SIMC1: variants seen among roughly 807,000 people sequenced by gnomAD.
The protein encoded by SIMC1 is SUMO-interacting motif-containing protein 1.
SIMC1 carries 55 observed loss-of-function variants against 82.3 expected under a neutral mutation model. That is an observed-to-expected ratio of 0.67 (90% CI 0.54 to 0.84). The LOEUF is 0.84. Among genes scored for constraint, SIMC1 ranks in the 40% least tolerant of loss-of-function variants. The pLI is 0.00. For missense variants in SIMC1, 915 were observed against 1,107.2 expected, an observed-to-expected ratio of 0.83 and a Z score of 2.46; for synonymous variants, 353 against 426.3, an observed-to-expected ratio of 0.83 and a Z score of 2.12.
rs1766421589 is a variant in SIMC1 at position 176,345,489 on chromosome 5, C to CTT, written c.*45_*46insTT. 6.4e-7 allele frequency: 1 copy of CTT among 1,565,354 alleles called. No individual in the cohort carries two copies. The highest frequency in any genetic ancestry group is 1.4e-5 in the African/African-American group (1 of 72,996). ...ATGCCAAGAATACCTCCTGAACTCT[C>CTT]TCTCCAACTGCTCAGAAGCTCTAAA... On this transcript the variant is annotated 3_prime_UTR_variant, in exon 10 of 10. Coordinates refer to ENST00000429602, the MANE Select transcript of SIMC1 (RefSeq NM_001308195.2).
At position 176,266,549 on chromosome 5, in the gene SIMC1, T is replaced by A. The variant is rs1323454063; in HGVS notation, c.130-23105T>A. 2.1e-5 allele frequency among the ~76,000 whole-genome samples: 3 copies of A among 141,658 alleles called. No individual in the cohort carries two copies. The East Asian group carries it at 6.4e-4, about 30-fold the overall frequency. 92.9% of individuals were successfully genotyped at this position (141,658 alleles called of 152,430 possible). On this transcript the variant is annotated intron_variant, in intron 1 of 9. Coordinates refer to ENST00000429602, the MANE Select transcript of SIMC1 (RefSeq NM_001308195.2). ...GTTCGAATCTAGGCAGGTTAAGTAT[T>A]AATATCTACTAGAACAACAAAAACC...
chr5:176,317,418 A>AT (rs1227463830), intron 5 of SIMC1, among the ~76,000 whole-genome samples: 2 of 151,982 alleles, frequency 1.3e-5, no homozygotes, highest in Non-Finnish European at 2.9e-5. Context: ...TCTTTAATTG[A>AT]TTTTTTAAAT....
At chr5:176,337,015 T>A in intron 8 of SIMC1, 47 bp from the exon 9 acceptor site, 2 of 1,606,138 alleles carry the variant, frequency 1.2e-6, no homozygotes, top group Non-Finnish European at 1.7e-6. Context: ...ACAAAAATTT[T>A]AACTGGGGAA....
intron 1 of SIMC1, among the ~76,000 whole-genome samples, chr5:176,258,579 G>GT (rs1761920642): frequency 6.6e-6 from 1 of 151,154 alleles, no homozygotes; most frequent in Non-Finnish European, 1.5e-5. Context: ...TACAAAAATT[G>GT]TTTTTTAAAA....
At chr5:176,303,407 A>G (rs1379247280) in intron 4 of SIMC1, among the ~76,000 whole-genome samples, 1 of 149,322 alleles carries the variant, frequency 6.7e-6, no homozygotes, top group Non-Finnish European at 1.5e-5. Context: ...AGCTCACTAC[A>G]ACCTCCGCCT....
chr5:176,330,839 C>CT (rs892655518), intron 7 of SIMC1, among the ~76,000 whole-genome samples: 3 of 152,074 alleles, frequency 2.0e-5, no homozygotes, highest in Non-Finnish European at 4.4e-5. Context: ...TGCATGGTCT[C>CT]TAAGTATGTT....
intron 1 of SIMC1, among the ~76,000 whole-genome samples, chr5:176,275,006 T>A (rs1438412498): frequency 1.3e-5 from 2 of 151,854 alleles, no homozygotes; most frequent in Non-Finnish European, 2.9e-5. Flanking sequence ...TTTCCAATTC[T>A]GTGAAGAAAG....
intron 1 of SIMC1, among the ~76,000 whole-genome samples, chr5:176,266,608 C>T (rs1487020177): frequency 1.7e-5 from 2 of 119,608 alleles, no homozygotes; most frequent in African/African-American, 7.1e-5. Context: ...CAGTTAAACC[C>T]AGTGTCTAGG....
chr5:176,286,312 G>A (rs537184627), intron 1 of SIMC1, among the ~76,000 whole-genome samples: 1 of 152,352 alleles, frequency 6.6e-6, no homozygotes, highest in South Asian at 2.1e-4. Context: ...GAACAGAACA[G>A]AGCCCTCAGA....
At chr5:176,250,434 T>G (rs950962621) in intron 1 of SIMC1, among the ~76,000 whole-genome samples, 1 of 152,216 alleles carries the variant, frequency 6.6e-6, no homozygotes, top group East Asian at 1.9e-4. Flanking sequence ...GAATGTATAT[T>G]CTGTTGATTT....
rs760605480 is a variant in SIMC1, at chr5:176,323,411, ATT to A, written c.2042+989_2042+990del. Reference sequence around the variant, plus strand: ...TAACAATAGGGTCCCCTAAAAGTCAATTTTGTTATGATCTTAACAACAATAGT... The same window carrying A: ...TAACAATAGGGTCCCCTAAAAGTCAATTGTTATGATCTTAACAACAATAGT... On this transcript the variant is annotated intron_variant, in intron 6 of 9. Transcript: ENST00000429602. Among the ~76,000 whole-genome samples, 17 of 152,300 alleles carry A rather than the reference ATT, an allele frequency of 1.1e-4. No homozygotes were observed. The South Asian group carries it at 3.1e-3, about 28-fold the overall frequency.
intron 2 of SIMC1, among the ~76,000 whole-genome samples, chr5:176,292,377 A>G (rs1173950743): frequency 6.6e-6 from 1 of 152,216 alleles, no homozygotes; most frequent in Non-Finnish European, 1.5e-5. Context: ...GTTCAGTGTC[A>G]AAAGGTATGC....
At chr5:176,259,520 C>T (rs1343830763) in intron 1 of SIMC1, among the ~76,000 whole-genome samples, 2 of 152,196 alleles carry the variant, frequency 1.3e-5, no homozygotes, top group African/African-American at 4.8e-5. Flanking sequence ...CGCCTATAAT[C>T]CCAACACTTT....
intron 5 of SIMC1, 41 bp downstream of exon 5, chr5:176,313,886 G>A (rs1764783942): frequency 6.2e-7 from 1 of 1,608,064 alleles, no homozygotes; most frequent in African/African-American, 1.3e-5. Flanking sequence ...AGAGGTAAGG[G>A]ATTATAGGTG....
intron 1 of SIMC1, among the ~76,000 whole-genome samples, chr5:176,281,552 T>C (rs1031634507): frequency 1.3e-5 from 2 of 152,188 alleles, no homozygotes; most frequent in African/African-American, 4.8e-5. Flanking sequence ...TCCCCATCTT[T>C]GTGATTTTAT....
intron 1 of SIMC1, among the ~76,000 whole-genome samples, chr5:176,273,314 C>A (rs1367894414): frequency 2.6e-5 from 4 of 152,158 alleles, no homozygotes; most frequent in African/African-American, 9.7e-5. Context: ...GATACTCAGG[C>A]AAACAGGGTC....
Position 176,345,491 on chromosome 5 carries a change from C to A in SIMC1, c.*46C>A, listed in dbSNP as rs375189706. The A allele has an allele frequency of 3.2e-5, 50 of 1,559,518 alleles. No individual in the cohort carries two copies. In the African/African-American group the frequency reaches 5.6e-4, roughly 18 times the overall value. ...GCCAAGAATACCTCCTGAACTCTCTCTCCAACTGCTCAGAAGCTCTAAAAG... is the reference window on the plus strand; with the variant it reads ...GCCAAGAATACCTCCTGAACTCTCTATCCAACTGCTCAGAAGCTCTAAAAG... On this transcript the variant is annotated 3_prime_UTR_variant, in exon 10 of 10. Coordinates refer to ENST00000429602, the MANE Select transcript of SIMC1 (RefSeq NM_001308195.2).
chr5:176,286,949 GA>G (rs1438546358), intron 1 of SIMC1, among the ~76,000 whole-genome samples: 1 of 152,164 alleles, frequency 6.6e-6, no homozygotes, highest in Non-Finnish European at 1.5e-5. Flanking sequence ...ACACCAGTTA[GA>G]ATGGCAATCA....
At chr5:176,271,999 CAT>C (rs1207548679) in intron 1 of SIMC1, among the ~76,000 whole-genome samples, 12 of 141,956 alleles carry the variant, frequency 8.5e-5, no homozygotes, top group African/African-American at 2.3e-4. Flanking sequence ...ATATATATAA[CAT>C]ATGTAATATA....
Sources: allele counts gnomAD v4.1 joint callset (sites outside exome capture counted in the v4.1 genomes callset), GRCh38; gene constraint gnomAD v4.1.1; transcripts MANE v1.5; gene names NCBI Gene and HGNC (gene_info 2026-07-23, HGNC 2026-07-21).